Variants in SYN3 observed in about 807,000 individuals in gnomAD.
SYN3 encodes synapsin III, also known as synapsin-3.
Under a neutral mutation model 65.8 loss-of-function variants are expected in SYN3, and 35 were observed. The ratio of observed to expected loss-of-function variants is 0.53; its 90% CI spans 0.41 to 0.70. The LOEUF is 0.70. Ranked by LOEUF, SYN3 falls within the 30% of genes least tolerant of loss-of-function variation. The pLI is 0.00. For synonymous variants in SYN3, 270 were observed against 292.9 expected (o/e 0.92, Z 0.80); for missense variants, 680 against 749.0 (o/e 0.91, Z 1.08).
intron 6 of SYN3, among the ~76,000 whole-genome samples, chr22:32,827,849 C>T (rs1299173540): frequency 2.6e-5 from 4 of 152,124 alleles, no homozygotes; most frequent in Non-Finnish European, 4.4e-5. Flanking sequence ...AACTTGCTGT[C>T]CTCTCTTCCA....
At chr22:33,007,851 C>G (rs1316611780) in intron 1 of SYN3, among the ~76,000 whole-genome samples, 2 of 152,192 alleles carry the variant, frequency 1.3e-5, no homozygotes, top group African/African-American at 4.8e-5. Context: ...CCACACTGTT[C>G]ATTTGAGATC....
rs561783282 is a variant in SYN3, at chr22:33,042,375, A to C, written c.-163+15917T>G. On this transcript the variant is annotated intron_variant, in intron 1 of 13. Coordinates refer to ENST00000358763, the MANE Select transcript of SYN3 (RefSeq NM_003490.4). ...ACCTCTCTCTAAACCTTACAAAAAG[A>C]AGCAAAGCCCTTTAGTCACATGATT... 2.4e-4 allele frequency among the ~76,000 whole-genome samples: 37 copies of C among 152,350 alleles called. No homozygotes were observed. The South Asian group carries it at 6.0e-3, about 25-fold the overall frequency.
chr22:32,848,370 C>T (rs184704119), intron 6 of SYN3, among the ~76,000 whole-genome samples: 86 of 152,242 alleles, frequency 5.6e-4, no homozygotes, highest in African/African-American at 1.9e-3. Flanking sequence ...GAGAGTTATA[C>T]CCTCTTTATA....
chr22:32,999,764 A>T (rs2053002988), intron 2 of SYN3, among the ~76,000 whole-genome samples: 1 of 152,210 alleles, frequency 6.6e-6, no homozygotes, highest in Non-Finnish European at 1.5e-5. Flanking sequence ...GAGGGAGGGC[A>T]GGGCAGGCAT....
chr22:32,888,950 T>C lies in SYN3; in HGVS notation c.462-19825A>G, dbSNP rs933845810. ...GATGATGAGTTCTGCCTTAGCCACA[T>C]TGAGGTTGAAGGGAAAGCTGGCCCT... On this transcript the variant is annotated intron_variant, in intron 4 of 13. Coordinates refer to ENST00000358763, the MANE Select transcript of SYN3 (RefSeq NM_003490.4). Among the ~76,000 whole-genome samples the C allele has an allele frequency of 2.4e-4, 36 of 152,226 alleles. 1 individual carries two copies. The highest frequency in any genetic ancestry group is 2.2e-3 in the Admixed American group (33 of 15,288).
At chr22:32,593,107 C>T (rs1367063023) in intron 7 of SYN3, among the ~76,000 whole-genome samples, 2 of 152,220 alleles carry the variant, frequency 1.3e-5, no homozygotes, top group African/African-American at 2.4e-5. Flanking sequence ...TTCTCTCTCT[C>T]AGCTATGAAT....
rs762949959 is a variant in SYN3 at position 32,529,027 on chromosome 22, A to T, written c.1096-19T>A. ...CCATTACCTGTGGGGAGGAAGGGAG[A>T]GCTGAGGGACCCCCATGCCAGGAGA... On this transcript the variant is annotated intron_variant, in intron 10 of 13. Coordinates refer to ENST00000358763, the MANE Select transcript of SYN3 (RefSeq NM_003490.4). 1.2e-6 allele frequency: 2 copies of T among 1,613,436 alleles called. No homozygotes were observed. Among genetic ancestry groups the T allele is most frequent in the Admixed American group, 3.3e-5 (2 of 60,024 alleles).
At chr22:32,642,670 C>T (rs1210231039) in intron 6 of SYN3, among the ~76,000 whole-genome samples, 3 of 151,930 alleles carry the variant, frequency 2.0e-5, no homozygotes, top group Admixed American at 6.6e-5. Flanking sequence ...CCTCGTGATC[C>T]GCCCGCCTCG....
chr22:32,517,846 TG>T (rs2057803738), intron 13 of SYN3, among the ~76,000 whole-genome samples, 196 bp downstream of exon 13: 1 of 152,056 alleles, frequency 6.6e-6, no homozygotes, highest in Non-Finnish European at 1.5e-5. Flanking sequence ...AGGGTCACGG[TG>T]GTGTCTAATC....
intron 1 of SYN3, among the ~76,000 whole-genome samples, chr22:33,015,844 T>C (rs75586819): frequency 0.017 from 2,497 of 145,954 alleles, 86 homozygotes; most frequent in African/African-American, 0.059. Context: ...AATTTTCTTT[T>C]CTTTTTTTTT....
At chr22:32,680,839 A>G (rs1261857330) in intron 6 of SYN3, among the ~76,000 whole-genome samples, 1 of 152,242 alleles carries the variant, frequency 6.6e-6, no homozygotes, top group Non-Finnish European at 1.5e-5. Flanking sequence ...GGTTCCTTCC[A>G]TATATCTAGG....
intron 2 of SYN3, among the ~76,000 whole-genome samples, chr22:32,984,565 G>A (rs936848787): frequency 6.6e-6 from 1 of 152,120 alleles, no homozygotes; most frequent in Non-Finnish European, 1.5e-5. Context: ...CCTTTGAGGA[G>A]GGAATTCTAG....
intron 6 of SYN3, among the ~76,000 whole-genome samples, chr22:32,600,983 G>A (rs982024671): frequency 1.3e-5 from 2 of 151,938 alleles, no homozygotes; most frequent in Non-Finnish European, 2.9e-5. Context: ...CACCCCTCCC[G>A]GCCACTTAAT....
intron 4 of SYN3, among the ~76,000 whole-genome samples, chr22:32,925,866 C>CTTTT (rs34649323): frequency 0.05 from 6,684 of 132,632 alleles, 433 homozygotes; most frequent in African/African-American, 0.11. Flanking sequence ...GATAGTTGTT[C>CTTTT]TTTTTTTTTT....
intron 6 of SYN3, among the ~76,000 whole-genome samples, chr22:32,617,500 A>C (rs994466083): frequency 2.7e-5 from 4 of 148,538 alleles, no homozygotes; most frequent in African/African-American, 1.0e-4. Context: ...AAAGAGAGAG[A>C]GCCCCTTGTT....
intron 6 of SYN3, among the ~76,000 whole-genome samples, chr22:32,737,978 T>C (rs2061356022): frequency 6.6e-6 from 1 of 152,168 alleles, no homozygotes; most frequent in South Asian, 2.1e-4. Flanking sequence ...AGATCTCACA[T>C]TGTGACATCT....
At chr22:32,679,200 C>T (rs1422780391) in intron 6 of SYN3, among the ~76,000 whole-genome samples, 11 of 151,694 alleles carry the variant, frequency 7.3e-5, no homozygotes, top group Admixed American at 1.3e-4. Context: ...CTACAGGCAC[C>T]CACAACCACA....
chr22:32,574,337 T>C (rs2058822538), intron 7 of SYN3, among the ~76,000 whole-genome samples: 1 of 151,836 alleles, frequency 6.6e-6, no homozygotes, highest in Non-Finnish European at 1.5e-5. Flanking sequence ...AAAGTAGCCA[T>C]GTTTGGTGGT....
intron 6 of SYN3, among the ~76,000 whole-genome samples, chr22:32,644,287 C>T (rs759077214): frequency 4.0e-5 from 6 of 151,770 alleles, no homozygotes; most frequent in African/African-American, 7.3e-5. Flanking sequence ...AGCAGGGAGA[C>T]GAGACATATA....
Sources: gnomAD v4.1 joint callset for allele counts (sites outside exome capture counted in the v4.1 genomes callset) on GRCh38, gnomAD v4.1.1 for gene constraint, MANE v1.5 for transcripts, NCBI Gene and HGNC (gene_info 2026-07-23, HGNC 2026-07-21) for gene names.